Variants in FAT3 observed in about 807,000 individuals in gnomAD.
FAT3 encodes the protein FAT atypical cadherin 3, also known as protocadherin Fat 3.
FAT3 carries 95 observed loss-of-function variants against 310.2 expected under a neutral mutation model. The observed-to-expected ratio is 0.31, with a 90% CI of 0.26 to 0.36. The LOEUF (loss-of-function observed/expected upper bound fraction) is 0.36, where lower values mean the gene tolerates loss of function less well. Among genes scored for constraint, FAT3 ranks in the 10% least tolerant of loss-of-function variants. The pLI, the probability that FAT3 is intolerant of heterozygous loss-of-function variation, is 1.00. For synonymous variants in FAT3, 2,314 were observed against 2,192.9 expected (o/e 1.06, Z -1.54); for missense variants, 5,408 against 5,715.6 (o/e 0.95, Z 1.74).
chr11:92,757,737 T>C (rs1946042744), intron 4 of FAT3, among the ~76,000 whole-genome samples: 1 of 152,182 alleles, frequency 6.6e-6, no homozygotes, highest in Non-Finnish European at 1.5e-5. Context: ...TCAGCAAACA[T>C]TTATCCAGAG....
chr11:92,549,956 A>G (rs527532192), intron 3 of FAT3, among the ~76,000 whole-genome samples: 5 of 152,278 alleles, frequency 3.3e-5, no homozygotes, highest in African/African-American at 1.2e-4. Context: ...TTTATAAACA[A>G]GGGTACTGAA....
At chr11:92,689,998 G>A (rs1470003232) in intron 3 of FAT3, among the ~76,000 whole-genome samples, 3 of 152,160 alleles carry the variant, frequency 2.0e-5, no homozygotes, top group African/African-American at 4.8e-5. Context: ...CCAGGCTGTG[G>A]GCAACTCCAT....
At chr11:92,528,544 AC>A (rs1451716067) in intron 3 of FAT3, among the ~76,000 whole-genome samples, 7 of 151,890 alleles carry the variant, frequency 4.6e-5, no homozygotes, top group African/African-American at 1.7e-4. Flanking sequence ...CTGCCACCAC[AC>A]CCGGCTAATT....
intron 3 of FAT3, among the ~76,000 whole-genome samples, chr11:92,578,415 T>C (rs190458157): frequency 2.0e-5 from 3 of 152,200 alleles, no homozygotes; most frequent in African/African-American, 7.2e-5. Context: ...GGGTCATGTA[T>C]TGTTATCCTG....
chr11:92,438,138 G>A (rs1950985737), intron 2 of FAT3, among the ~76,000 whole-genome samples: 2 of 152,146 alleles, frequency 1.3e-5, no homozygotes, highest in Admixed American at 1.3e-4. Context: ...TATCTAAAAA[G>A]GGGGACTTGG....
chr11:92,371,731 G>T (rs141128699), intron 2 of FAT3, among the ~76,000 whole-genome samples: 7 of 151,934 alleles, frequency 4.6e-5, no homozygotes, highest in African/African-American at 1.2e-4. Context: ...TCCCTGCCCC[G>T]CAAATGGAGG....
intron 3 of FAT3, among the ~76,000 whole-genome samples, chr11:92,530,853 A>G (rs1285582422): frequency 6.6e-6 from 1 of 151,960 alleles, no homozygotes; most frequent in Non-Finnish European, 1.5e-5. Flanking sequence ...CACCTTTTCT[A>G]GGAAAAGAGG....
chr11:92,426,882 A>T (rs1950646314), intron 2 of FAT3, among the ~76,000 whole-genome samples: 1 of 152,004 alleles, frequency 6.6e-6, no homozygotes, highest in African/African-American at 2.4e-5. Flanking sequence ...TCCATATGAA[A>T]TTTAAAGTAG....
rs1225644039 is a variant in FAT3 at position 92,562,233 on chromosome 11, A to G, written c.3607+37285A>G. 3.3e-5 allele frequency among the ~76,000 whole-genome samples: 5 copies of G among 152,262 alleles called. No homozygotes were observed. In the South Asian group the frequency reaches 1.0e-3, roughly 32 times the overall value. On this transcript the variant is annotated intron_variant, in intron 3 of 27. Transcript: ENST00000525166. ...TCATATGCAATTTATATTTATATTC[A>G]TATACAATACCTCCTATTTGTATCA...
chr11:92,705,858 A>G (rs1427088797), intron 4 of FAT3, among the ~76,000 whole-genome samples: 26 of 5,090 alleles, frequency 5.1e-3, no homozygotes, highest in South Asian at 8.8e-3. Context: ...GGTGGTAGTG[A>G]TGGTGGTGGT....
intron 4 of FAT3, among the ~76,000 whole-genome samples, chr11:92,745,386 T>C (rs182507573): frequency 6.6e-5 from 10 of 152,254 alleles, no homozygotes; most frequent in Admixed American, 4.6e-4. Context: ...ATTGGACTCA[T>C]CTGTTTGAAA....
intron 21 of FAT3, among the ~76,000 whole-genome samples, chr11:92,865,822 G>T (rs949813590): frequency 1.3e-5 from 2 of 152,242 alleles, no homozygotes; most frequent in East Asian, 3.9e-4. Flanking sequence ...CATAGCACAT[G>T]CTTTCTTCCT....
chr11:92,710,134 T>G (rs998283914), intron 4 of FAT3, among the ~76,000 whole-genome samples: 1 of 152,220 alleles, frequency 6.6e-6, no homozygotes, highest in Non-Finnish European at 1.5e-5. Context: ...AAAAAATGCA[T>G]AAGTACTCAT....
At chr11:92,685,096 T>TTAAAATGTTTTTTGAGAAA (rs1232123243) in intron 3 of FAT3, among the ~76,000 whole-genome samples, 37 of 152,356 alleles carry the variant, frequency 2.4e-4, no homozygotes, top group African/African-American at 7.2e-4. Flanking sequence ...TTTTCCTTTT[T>TTAAAATGTTTTTTGAGAAA]TAAAATGTTT....
intron 4 of FAT3, among the ~76,000 whole-genome samples, chr11:92,741,188 C>G (rs973829401): frequency 2.0e-5 from 3 of 152,292 alleles, no homozygotes; most frequent in Non-Finnish European, 2.9e-5. Flanking sequence ...ACCAAAGGTG[C>G]ACACCACCAC....
chr11:92,687,231 C>A (rs145547763), intron 3 of FAT3, among the ~76,000 whole-genome samples: 1 of 152,084 alleles, frequency 6.6e-6, no homozygotes, highest in Non-Finnish European at 1.5e-5. Context: ...TGTTTCTAAC[C>A]GAGCCTCTGA....
At chr11:92,458,153 C>T (rs915703916) in intron 2 of FAT3, among the ~76,000 whole-genome samples, 1 of 152,172 alleles carries the variant, frequency 6.6e-6, no homozygotes, top group African/African-American at 2.4e-5. Context: ...AACAGTGCTA[C>T]GATGAGACTA....
At chr11:92,397,166 C>T (rs143301664) in intron 2 of FAT3, among the ~76,000 whole-genome samples, 169 of 152,172 alleles carry the variant, frequency 1.1e-3, no homozygotes, top group African/African-American at 3.9e-3. Context: ...TGTAGTGGGG[C>T]TAAAACTGTT....
At chr11:92,235,421 T>C (rs1350476636) in intron 1 of FAT3, among the ~76,000 whole-genome samples, 6 of 152,200 alleles carry the variant, frequency 3.9e-5, no homozygotes, top group African/African-American at 1.2e-4. Context: ...GCAGCACTGT[T>C]CACATGCCTT....
Sources: gnomAD v4.1 joint callset for allele counts (sites outside exome capture counted in the v4.1 genomes callset) on GRCh38, gnomAD v4.1.1 for gene constraint, MANE v1.5 for transcripts, NCBI Gene and HGNC (gene_info 2026-07-23, HGNC 2026-07-21) for gene names.